The following ELOVL2 variants were observed in gnomAD, a reference collection of about 807,000 sequenced individuals.
The protein encoded by ELOVL2 is very long chain fatty acid elongase 2.
ELOVL2 carries 38 observed loss-of-function variants against 37.7 expected under a neutral mutation model. That is an observed-to-expected ratio of 1.01 (90% CI 0.78 to 1.32). ELOVL2 has a LOEUF of 1.32. ELOVL2 is among the 40% of genes most tolerant of loss of function. The probability of loss-of-function intolerance (pLI) is 0.00; values close to 1 mark genes in which losing one functional copy is unlikely to be tolerated. For synonymous variants in ELOVL2, 115 were observed against 122.3 expected, an observed-to-expected ratio of 0.94 and a Z score of 0.40; for missense variants, 352 against 363.6, an observed-to-expected ratio of 0.97 and a Z score of 0.26.
chr6:10,995,427 AC>A (rs35741236), intron 4 of ELOVL2, among the ~76,000 whole-genome samples: 151,388 of 152,282 alleles, frequency 0.99, 75,256 homozygotes, highest in Middle Eastern at 1. Flanking sequence ...CATCCGCAGA[AC>A]CCAAGTTCAT....
chr6:11,033,576 T>G (rs1782964500), intron 1 of ELOVL2, among the ~76,000 whole-genome samples: 1 of 152,176 alleles, frequency 6.6e-6, no homozygotes, highest in South Asian at 2.1e-4. Context: ...TTCAAATCAA[T>G]GAAACAATTT....
intron 1 of ELOVL2, among the ~76,000 whole-genome samples, chr6:11,015,378 G>A (rs551269781): frequency 6.6e-6 from 1 of 152,088 alleles, no homozygotes; most frequent in South Asian, 2.1e-4. Context: ...AAAGACTCAA[G>A]ACAACCAAAA....
intron 7 of ELOVL2, among the ~76,000 whole-genome samples, chr6:10,986,914 AGAAGGAATG>A (rs1485095746): frequency 1.3e-5 from 2 of 152,230 alleles, no homozygotes; most frequent in East Asian, 3.8e-4. Context: ...GAATGGTTTC[AGAAGGAATG>A]GTACCAGTTC....
chr6:10,995,100 T>G lies in ELOVL2; in HGVS notation c.412A>C (p.Lys138Gln). The G allele has an allele frequency of 6.2e-7, 1 of 1,613,688 alleles. No homozygotes were observed. Among genetic ancestry groups the G allele is most frequent in the East Asian group, 2.2e-5 (1 of 44,870 alleles). The stretch of plus-strand genomic sequence containing the variant: ...TGAAGAAAAGTAATCTGACTCGTTT[T>G]TTTCCGCAAAACGAAGAAAATTGTG... ...LDTIFFVLRK[K>Q]TSQITFLHVY... Residue 138 changes from lysine to glutamine, a missense_variant, in exon 5 of 8, where the codon AAA becomes CAA. By Grantham distance (53) the Lys-to-Gln change is moderately conservative. Coordinates refer to ENST00000354666, the MANE Select transcript of ELOVL2 (RefSeq NM_017770.4).
At chr6:11,017,632 G>A (rs185073351) in intron 1 of ELOVL2, among the ~76,000 whole-genome samples, 1 of 152,162 alleles carries the variant, frequency 6.6e-6, no homozygotes, top group African/African-American at 2.4e-5. Flanking sequence ...TGGCCAAATG[G>A]TAACTCCTTA....
intron 1 of ELOVL2, among the ~76,000 whole-genome samples, chr6:11,025,564 T>C (rs1046998663): frequency 4.6e-5 from 7 of 152,218 alleles, no homozygotes; most frequent in Non-Finnish European, 1.0e-4. Context: ...CTAGTAGTTT[T>C]AAAATGAACA....
rs1781948259 is a variant in ELOVL2 at position 10,982,220 on chromosome 6, GA to G, written c.*1560del. The stretch of plus-strand genomic sequence containing the variant: ...TCCAAAAAATATGCCCAAATCCTCA[GA>G]GGGGCAGTTTACATGAAATAAAAGT... On this transcript the variant is annotated 3_prime_UTR_variant, in exon 8 of 8. Transcript: ENST00000354666. 6.6e-6 allele frequency: 1 copy of G among 152,142 alleles called. No individual in the cohort carries two copies. Among genetic ancestry groups the G allele is most frequent in the Admixed American group, 6.6e-5 (1 of 15,262 alleles). 9.4% of individuals were successfully genotyped at this position (152,142 alleles called of 1,614,324 possible). A position where few individuals can be genotyped will look rare whatever the true frequency, so the allele number is the denominator to read the frequency against.
At chr6:10,992,545 C>T (rs112791534) in intron 5 of ELOVL2, among the ~76,000 whole-genome samples, 2,746 of 152,102 alleles carry the variant, frequency 0.018, 76 homozygotes, top group African/African-American at 0.062. Flanking sequence ...AATCCCAGCA[C>T]TTTGGGAGGC....
chr6:11,015,354 G>A (rs1002472483), intron 1 of ELOVL2, among the ~76,000 whole-genome samples: 3 of 152,130 alleles, frequency 2.0e-5, no homozygotes, highest in Non-Finnish European at 4.4e-5. Context: ...CATATGGAAA[G>A]TAAAATGTGC....
At position 10,981,651 on chromosome 6, in the gene ELOVL2, C is replaced by G. The variant is rs1344740911; in HGVS notation, c.*2130G>C. 6.6e-6 allele frequency: 1 copy of G among 152,310 alleles called. No individual in the cohort carries two copies. Among genetic ancestry groups the G allele is most frequent in the African/African-American group, 2.4e-5 (1 of 41,432 alleles). 9.4% of individuals were successfully genotyped at this position (152,310 alleles called of 1,614,324 possible). On this transcript the variant is annotated 3_prime_UTR_variant, in exon 8 of 8. Coordinates refer to ENST00000354666, the MANE Select transcript of ELOVL2 (RefSeq NM_017770.4). Reference sequence around the variant, plus strand: ...ACTTTGTCTGCTGAAGGACAGCTCCCTCCTTGCCATACAGATATGAAGCCC... The same window carrying G: ...ACTTTGTCTGCTGAAGGACAGCTCCGTCCTTGCCATACAGATATGAAGCCC...
chr6:10,989,142 A>G (rs889771083), intron 7 of ELOVL2, among the ~76,000 whole-genome samples: 1 of 152,252 alleles, frequency 6.6e-6, no homozygotes, highest in Admixed American at 6.5e-5. Flanking sequence ...ATATAATCCA[A>G]TGATATTTTT....
intron 1 of ELOVL2, chr6:11,015,952 G>T (rs1782677772): frequency 6.6e-6 from 1 of 152,118 alleles, no homozygotes; most frequent in South Asian, 2.1e-4. Context: ...TTCAGCAAAG[G>T]CTGCCTTGCA....
chr6:11,029,057 CAA>C (rs61212546), intron 1 of ELOVL2, among the ~76,000 whole-genome samples: 4,782 of 83,306 alleles, frequency 0.057, 85 homozygotes, highest in African/African-American at 0.18. Flanking sequence ...TTTGTCTCTA[CAA>C]AAAAAAAAAA....
intron 4 of ELOVL2, among the ~76,000 whole-genome samples, chr6:10,998,399 C>A (rs1188419996): frequency 1.3e-5 from 2 of 152,066 alleles, no homozygotes; most frequent in Non-Finnish European, 2.9e-5. Flanking sequence ...TTTGGAAATT[C>A]ACATATGAAA....
At chr6:10,989,501 C>G (rs1244505629) in intron 7 of ELOVL2, among the ~76,000 whole-genome samples, 1 of 151,992 alleles carries the variant, frequency 6.6e-6, no homozygotes, top group South Asian at 2.1e-4. Flanking sequence ...AAAAATACAA[C>G]AATTAGCCGG....
At chr6:11,023,356 G>C (rs1782792230) in intron 1 of ELOVL2, among the ~76,000 whole-genome samples, 1 of 152,038 alleles carries the variant, frequency 6.6e-6, no homozygotes, top group Non-Finnish European at 1.5e-5. Context: ...ATGTACAAGT[G>C]GTATCCTTTT....
In ELOVL2 at chr6:10,981,869, A is replaced by G. The variant is rs1442936543; in HGVS notation, c.*1912T>C. 6.6e-6 allele frequency: 1 copy of G among 152,232 alleles called. No homozygotes were observed. Among genetic ancestry groups the G allele is most frequent in the Non-Finnish European group, 1.5e-5 (1 of 68,038 alleles). 9.4% of individuals were successfully genotyped at this position (152,232 alleles called of 1,614,324 possible). A position where few individuals can be genotyped will look rare whatever the true frequency, so the allele number is the denominator to read the frequency against. Reference sequence around the variant, plus strand: ...TGAGATCTAAACTGAACTAGGGTCCAGTTTCTCCAAAGGGCTTTCTCCTTG... The same window carrying G: ...TGAGATCTAAACTGAACTAGGGTCCGGTTTCTCCAAAGGGCTTTCTCCTTG... On this transcript the variant is annotated 3_prime_UTR_variant, in exon 8 of 8. Transcript: ENST00000354666.
chr6:11,005,031 T>A (rs1374544514), intron 3 of ELOVL2, among the ~76,000 whole-genome samples: 1 of 151,576 alleles, frequency 6.6e-6, no homozygotes, highest in Non-Finnish European at 1.5e-5. Flanking sequence ...TGGTGGGGAG[T>A]ACCTGTAATC....
In ELOVL2 at chr6:10,983,001, T is replaced by C. The variant is rs993354583; in HGVS notation, c.*780A>G. On this transcript the variant is annotated 3_prime_UTR_variant, in exon 8 of 8. Coordinates refer to ENST00000354666, the MANE Select transcript of ELOVL2 (RefSeq NM_017770.4). ...TGTACACTGCTCGTGGTGTGGAGCA[T>C]GGCATCTGTATAACCTAGGCTGACT... is the stretch of plus-strand genomic sequence containing the variant. 1 of 152,164 alleles carries C rather than the reference T, an allele frequency of 6.6e-6. No individual in the cohort carries two copies. Among genetic ancestry groups the C allele is most frequent in the African/African-American group, 2.4e-5 (1 of 41,428 alleles). 9.4% of individuals were successfully genotyped at this position (152,164 alleles called of 1,614,324 possible).
Sources: gnomAD v4.1 joint callset for allele counts (sites outside exome capture counted in the v4.1 genomes callset) on GRCh38, gnomAD v4.1.1 for gene constraint, MANE v1.5 for transcripts, NCBI Gene and HGNC (gene_info 2026-07-23, HGNC 2026-07-21) for gene names.